Variants in SLC34A1 observed in about 807,000 individuals in gnomAD.
The protein encoded by SLC34A1 is sodium-dependent phosphate transport protein 2A.
Under a neutral mutation model 51.4 loss-of-function variants are expected in SLC34A1, and 57 were observed. That is an observed-to-expected ratio of 1.11 (90% CI 0.90 to 1.38). The LOEUF is 1.38. Ranked by LOEUF, SLC34A1 falls within the 40% of genes most tolerant of loss-of-function variation. SLC34A1 has a pLI of 0.00. For synonymous variants in SLC34A1, 368 were observed against 358.0 expected, an observed-to-expected ratio of 1.03 and a Z score of -0.32; for missense variants, 796 against 835.6, an observed-to-expected ratio of 0.95 and a Z score of 0.58.
chr5:177,391,446 C>A (rs549661596), intron 8 of SLC34A1, among the ~76,000 whole-genome samples: 2 of 152,234 alleles, frequency 1.3e-5, no homozygotes, highest in Admixed American at 1.3e-4. Flanking sequence ...CTCCAGCCTT[C>A]GCAGGGTCCC....
intron 8 of SLC34A1, among the ~76,000 whole-genome samples, chr5:177,389,416 G>A (rs549558878): frequency 4.0e-5 from 6 of 151,590 alleles, no homozygotes; most frequent in African/African-American, 7.3e-5. Context: ...ACCCTGGTGC[G>A]AACAGAAAAC....
At chr5:177,390,467 C>T in intron 8 of SLC34A1, 2 of 725,996 alleles carry the variant, frequency 2.8e-6, no homozygotes, top group Non-Finnish European at 1.7e-6. Context: ...GTGGCTTGCC[C>T]AAGTCCATGT....
intron 5 of SLC34A1, among the ~76,000 whole-genome samples, chr5:177,387,173 A>ATCTG (rs1762608364): frequency 6.6e-6 from 1 of 151,208 alleles, no homozygotes; most frequent in Non-Finnish European, 1.5e-5. Context: ...GATCGAGACC[A>ATCTG]CCCTGGCTAA....
chr5:177,393,859 A>G (rs1762880454), intron 9 of SLC34A1, 96 bp downstream of exon 9: 2 of 1,502,408 alleles, frequency 1.3e-6, no homozygotes, highest in Admixed American at 3.4e-5. Context: ...GTCCAGCCCC[A>G]GGAAGCATGG....
rs1217925331 is a variant in SLC34A1, at chr5:177,397,608, G to T, written c.1417-175G>T. ...CTGGTCTAGAAGTATTTCAATATTT[G>T]CATAGCCAGCATAGCCACCTCGGGG... On this transcript the variant is annotated intron_variant, in intron 12 of 12. Transcript: ENST00000324417. 6.7e-6 allele frequency: 5 copies of T among 748,764 alleles called. No individual in the cohort carries two copies. In the Admixed American group the frequency reaches 1.1e-4, roughly 17 times the overall value. The allele number at this position is 748,764 out of a possible 1,614,324, so 46.4% of individuals were successfully genotyped here.
At chr5:177,389,076 T>G (rs956007433) in intron 8 of SLC34A1, among the ~76,000 whole-genome samples, 2 of 151,716 alleles carry the variant, frequency 1.3e-5, no homozygotes, top group Non-Finnish European at 2.9e-5. Flanking sequence ...CAGGCGGGAG[T>G]CCCTTGTCCT....
intron 12 of SLC34A1, 73 bp downstream of exon 12, chr5:177,397,147 G>C: frequency 3.8e-6 from 6 of 1,562,284 alleles, no homozygotes; most frequent in Non-Finnish European, 5.2e-6. Flanking sequence ...ACAAAGGTGT[G>C]ACAACATGGA....
rs113417826 is a variant in SLC34A1 at position 177,392,197 on chromosome 5, C to G, written c.937-1497C>G. On this transcript the variant is annotated intron_variant, in intron 8 of 12. Transcript: ENST00000324417. ...TCTTACCTTGGCCAGCATGGTGGCTCACACCTGTAATCCCAGCACCTTGGG... is the reference window on the plus strand; with the variant it reads ...TCTTACCTTGGCCAGCATGGTGGCTGACACCTGTAATCCCAGCACCTTGGG... 1.7e-3 allele frequency among the ~76,000 whole-genome samples: 266 copies of G among 152,350 alleles called. 1 individual carries two copies. Among genetic ancestry groups the G allele is most frequent in the African/African-American group, 6.3e-3 (261 of 41,576 alleles).
At chr5:177,397,710 T>C (rs866979687) in intron 12 of SLC34A1, 73 bp from the exon 13 acceptor site, 5 of 1,585,056 alleles carry the variant, frequency 3.2e-6, no homozygotes, top group Middle Eastern at 1.7e-4. Context: ...GTTCCTATCA[T>C]CTACCCCTGC....
rs991409493 is a variant in SLC34A1 at position 177,396,102 on chromosome 5, T to C, written c.1175-631T>C. 6.6e-6 allele frequency among the ~76,000 whole-genome samples: 1 copy of C among 152,262 alleles called. No homozygotes were observed. Among genetic ancestry groups the C allele is most frequent in the African/African-American group, 2.4e-5 (1 of 41,560 alleles). Reference sequence around the variant, plus strand: ...GCCTTGGTTTTCATTTTAAACTTCATGCACTGGGAGGGGCTGCATGACAAG... The same window carrying C: ...GCCTTGGTTTTCATTTTAAACTTCACGCACTGGGAGGGGCTGCATGACAAG... On this transcript the variant is annotated intron_variant, in intron 10 of 12. Coordinates refer to ENST00000324417, the MANE Select transcript of SLC34A1 (RefSeq NM_003052.5). The surrounding 1 kb of genome is among the most constrained non-coding windows in gnomAD (Gnocchi z 4.0).
In SLC34A1 at chr5:177,388,043, C is replaced by G. The variant is rs1187557001; in HGVS notation, c.694C>G (p.Leu232Val). 1.2e-6 allele frequency: 2 copies of G among 1,613,954 alleles called. No homozygotes were observed. The highest frequency in any genetic ancestry group is 2.7e-5 in the African/African-American group (2 of 74,922). Reference sequence around the variant, plus strand: ...TGACTGCTTTAACTGGCTGTCAGTGCTGGTCCTGCTGCCCCTGGAGGCTGC... The same window carrying G: ...TGACTGCTTTAACTGGCTGTCAGTGGTGGTCCTGCTGCCCCTGGAGGCTGC... ...VHDCFNWLSVLVLLPLEAATG... is the reference protein window; with the variant it reads ...VHDCFNWLSVVVLLPLEAATG... Residue 232 changes from leucine to valine, a missense_variant, in exon 7 of 13, where the codon CTG (leucine) becomes GTG (valine). Coordinates refer to ENST00000324417, the MANE Select transcript of SLC34A1 (RefSeq NM_003052.5). This position sits in a 1 kb window ranked among gnomAD's most constrained non-coding sequence, Gnocchi z 4.3.
Position 177,386,329 on chromosome 5 carries a change from C to T in SLC34A1, c.368C>T (p.Ser123Leu), listed in dbSNP as rs184936388. ...LFVCSLDMLS[S>L]AFQLAGGKVA... Reference sequence around the variant, plus strand: ...GTCTGCTCCCTGGACATGCTCAGCTCGGCCTTCCAGCTGGCTGGAGGTAGG... The same window carrying T: ...GTCTGCTCCCTGGACATGCTCAGCTTGGCCTTCCAGCTGGCTGGAGGTAGG... Residue 123 changes from serine (S) to leucine (L), a missense_variant, in exon 4 of 13, where the codon TCG (serine) becomes TTG (leucine). Transcript: ENST00000324417. The surrounding 1 kb of genome is among the most constrained non-coding windows in gnomAD (Gnocchi z 4.8). 2.7e-5 allele frequency: 44 copies of T among 1,614,264 alleles called. No individual in the cohort carries two copies. The East Asian group carries it at 4.9e-4, about 18-fold the overall frequency.
chr5:177,386,207 C>T lies in SLC34A1; in HGVS notation c.260-14C>T, dbSNP rs78851308. On this transcript the variant is annotated splice_polypyrimidine_tract_variant and intron_variant, in intron 3 of 12. Coordinates refer to ENST00000324417, the MANE Select transcript of SLC34A1 (RefSeq NM_003052.5). This position sits in a 1 kb window ranked among gnomAD's most constrained non-coding sequence, Gnocchi z 4.8. ...TGGCCTCTGCCCACTATGCTCATGG[C>T]TTCCCCCATCCAGAGTCCAGGCTGG... 2.2e-4 allele frequency: 353 copies of T among 1,614,154 alleles called. 1 individual carries two copies. In the African/African-American group the frequency reaches 4.0e-3, roughly 18 times the overall value.
chr5:177,390,492 A>G (rs1762763789), intron 8 of SLC34A1: 1 of 489,506 alleles, frequency 2.0e-6, no homozygotes, highest in Non-Finnish European at 2.6e-6. Flanking sequence ...GAGGTAGGAT[A>G]CAAATCCTGG....
intron 8 of SLC34A1, chr5:177,389,836 G>C: frequency 6.7e-7 from 1 of 1,498,154 alleles, no homozygotes; most frequent in Non-Finnish European, 8.9e-7. Flanking sequence ...CCGCCCTTGG[G>C]CCTTTCTCTA....
chr5:177,392,410 C>T (rs554426073), intron 8 of SLC34A1, among the ~76,000 whole-genome samples: 9 of 152,236 alleles, frequency 5.9e-5, no homozygotes, highest in Admixed American at 1.3e-4. Context: ...TTGCAGTGAG[C>T]CGAGATTGTG....
rs1347418260 is a variant in SLC34A1, at chr5:177,388,092, C to T, written c.743C>T (p.Thr248Ile). 1.2e-6 allele frequency: 2 copies of T among 1,614,130 alleles called. No homozygotes were observed. Among genetic ancestry groups the T allele is most frequent in the African/African-American group, 2.7e-5 (2 of 75,044 alleles). Residue 248 changes from threonine (T) to isoleucine (I), a missense_variant, in exon 7 of 13, where the codon ACT (threonine) becomes ATT (isoleucine). By Grantham distance (89) the Thr-to-Ile change is moderately conservative. Transcript: ENST00000324417. This position sits in a 1 kb window ranked among gnomAD's most constrained non-coding sequence, Gnocchi z 4.3. ...GCCACTGGCTACCTGCACCACATCA[C>T]TCGACTTGTGGTGGCCTCCTTCAAC... The part of the protein sequence containing the change: ...EAATGYLHHI[T>I]RLVVASFNIH...
At position 177,394,136 on chromosome 5, in the gene SLC34A1, T is replaced by A. The variant is rs755038367; in HGVS notation, c.1115T>A (p.Met372Lys). The A allele has an allele frequency of 4.3e-6, 7 of 1,614,090 alleles. No homozygotes were observed. The highest frequency in any genetic ancestry group is 5.9e-6 in the Non-Finnish European group (7 of 1,180,022). ...ACCTGCCTCATCCTCCTAGTCAAGA[T>A]GCTCAACTCCCTGCTCAAGGGCCAA... is the stretch of plus-strand genomic sequence containing the variant. ...LCTCLILLVKMLNSLLKGQVA... is the reference protein window; with the variant it reads ...LCTCLILLVKKLNSLLKGQVA... The change falls in exon 10 of 13, where the codon ATG becomes AAG. Residue 372 changes from methionine (M) to lysine (K), a missense_variant. Coordinates refer to ENST00000324417, the MANE Select transcript of SLC34A1 (RefSeq NM_003052.5).
chr5:177,395,044 G>A (rs1039124010), intron 10 of SLC34A1, among the ~76,000 whole-genome samples: 1 of 152,038 alleles, frequency 6.6e-6, no homozygotes, highest in African/African-American at 2.4e-5. Context: ...ATGGTGGTGT[G>A]CTCCTATAGT....
Sources: allele counts gnomAD v4.1 joint callset (sites outside exome capture counted in the v4.1 genomes callset), GRCh38; gene constraint gnomAD v4.1.1; non-coding constraint Gnocchi (gnomAD v3.1); transcripts MANE v1.5; gene names NCBI Gene and HGNC (gene_info 2026-07-23, HGNC 2026-07-21).